Variants in NALF1 observed in about 807,000 individuals in gnomAD.
NALF1 encodes the protein family with sequence similarity 155 member A.
NALF1 carries 3 observed loss-of-function variants against 48.4 expected under a neutral mutation model. That is an observed-to-expected ratio of 0.06 (90% CI 0.03 to 0.16). NALF1 has a LOEUF of 0.16. Ranked by LOEUF, NALF1 falls within the 10% of genes least tolerant of loss-of-function variation. The probability of loss-of-function intolerance (pLI) is 1.00; values close to 1 mark genes in which losing one functional copy is unlikely to be tolerated. For missense variants in NALF1, 526 were observed against 571.5 expected (o/e 0.92, Z 0.81); for synonymous variants, 262 against 245.7 (o/e 1.07, Z -0.62).
intron 1 of NALF1, among the ~76,000 whole-genome samples, chr13:107,710,667 C>T (rs1256979247): frequency 8.7e-5 from 13 of 149,642 alleles, no homozygotes; most frequent in Admixed American, 8.6e-4. Flanking sequence ...ATGGGGGAAA[C>T]CACCTGCAGA....
intron 1 of NALF1, among the ~76,000 whole-genome samples, chr13:107,366,376 C>G (rs544243895): frequency 6.6e-6 from 1 of 152,286 alleles, no homozygotes; most frequent in Non-Finnish European, 1.5e-5. Context: ...CATTTTGCTT[C>G]CCCTTTTTAG....
At chr13:107,488,863 A>G (rs534656617) in intron 1 of NALF1, among the ~76,000 whole-genome samples, 19 of 152,294 alleles carry the variant, frequency 1.2e-4, no homozygotes, top group African/African-American at 4.6e-4. Context: ...AAAATTCTAT[A>G]TCTAGAAAAC....
intron 1 of NALF1, among the ~76,000 whole-genome samples, chr13:107,584,596 T>C (rs1026480877): frequency 2.0e-5 from 3 of 152,208 alleles, no homozygotes; most frequent in Non-Finnish European, 4.4e-5. Context: ...TCTCATCCCT[T>C]ATTACTGTAT....
At chr13:107,575,943 G>A (rs1362100637) in intron 1 of NALF1, among the ~76,000 whole-genome samples, 2 of 150,098 alleles carry the variant, frequency 1.3e-5, no homozygotes, top group Admixed American at 1.3e-4. Context: ...GCATGTGTGT[G>A]TATGTGTATG....
At chr13:107,490,483 T>C (rs190106894) in intron 1 of NALF1, among the ~76,000 whole-genome samples, 2 of 152,272 alleles carry the variant, frequency 1.3e-5, no homozygotes, top group East Asian at 1.9e-4. Context: ...ATACTGCATG[T>C]ACTCACTTAT....
At chr13:107,477,246 G>A (rs968795949) in intron 1 of NALF1, among the ~76,000 whole-genome samples, 1 of 152,106 alleles carries the variant, frequency 6.6e-6, no homozygotes, top group African/African-American at 2.4e-5. Flanking sequence ...GGAAGATAAA[G>A]CTGTAAGTCA....
At chr13:107,501,026 A>G (rs1219629152) in intron 1 of NALF1, among the ~76,000 whole-genome samples, 1 of 152,030 alleles carries the variant, frequency 6.6e-6, no homozygotes, top group East Asian at 1.9e-4. Flanking sequence ...TGGGTGCAGC[A>G]CACCAGCATG....
At chr13:107,189,000 C>T (rs914460176) in intron 2 of NALF1, among the ~76,000 whole-genome samples, 5 of 152,156 alleles carry the variant, frequency 3.3e-5, no homozygotes, top group African/African-American at 1.2e-4. Context: ...GCTAACTGCA[C>T]ATTAGATGGA....
intron 1 of NALF1, among the ~76,000 whole-genome samples, chr13:107,714,037 A>G (rs1247941414): frequency 1.3e-5 from 2 of 152,186 alleles, no homozygotes; most frequent in Non-Finnish European, 2.9e-5. Context: ...TTTAGCTTTC[A>G]CTGCCAGTGA....
At chr13:107,666,972 C>CTA (rs1387275564) in intron 1 of NALF1, among the ~76,000 whole-genome samples, 1 of 152,054 alleles carries the variant, frequency 6.6e-6, no homozygotes, top group Non-Finnish European at 1.5e-5. Flanking sequence ...TAGTGAAAAA[C>CTA]AATTTTGAAC....
At chr13:107,700,698 A>T (rs570292567) in intron 1 of NALF1, among the ~76,000 whole-genome samples, 1 of 152,222 alleles carries the variant, frequency 6.6e-6, no homozygotes, top group Admixed American at 6.5e-5. Context: ...AAATCAACCT[A>T]CAAACTGGGA....
At chr13:107,332,100 G>A (rs117515416) in intron 1 of NALF1, among the ~76,000 whole-genome samples, 1,904 of 152,224 alleles carry the variant, frequency 0.013, 16 homozygotes, top group Non-Finnish European at 0.02. Context: ...CTGATATTAG[G>A]TCTTTGCAAA....
chr13:107,616,221 T>A (rs1879375390), intron 1 of NALF1, among the ~76,000 whole-genome samples: 1 of 152,204 alleles, frequency 6.6e-6, no homozygotes, highest in African/African-American at 2.4e-5. Context: ...ATGTAAATGT[T>A]AAGATTAAAA....
At chr13:107,285,302 C>A (rs2138876757) in intron 1 of NALF1, among the ~76,000 whole-genome samples, 1 of 152,238 alleles carries the variant, frequency 6.6e-6, no homozygotes, top group East Asian at 1.9e-4. Flanking sequence ...GGGTGAATAA[C>A]CATGTGGTTA....
chr13:107,691,468 G>A (rs536576877), intron 1 of NALF1, among the ~76,000 whole-genome samples: 17 of 152,264 alleles, frequency 1.1e-4, no homozygotes, highest in African/African-American at 2.6e-4. Context: ...TGGCCCACAC[G>A]CCCTTTGCCT....
At chr13:107,347,228 GGC>G (rs1566491670) in intron 1 of NALF1, among the ~76,000 whole-genome samples, 2 of 152,150 alleles carry the variant, frequency 1.3e-5, no homozygotes, top group Non-Finnish European at 2.9e-5. Flanking sequence ...GGCTTTCTGA[GGC>G]ATTCTGCCCC....
intron 1 of NALF1, among the ~76,000 whole-genome samples, chr13:107,303,272 G>A (rs1266656455): frequency 6.6e-6 from 1 of 151,598 alleles, no homozygotes; most frequent in Non-Finnish European, 1.5e-5. Flanking sequence ...TATATATTGT[G>A]GATATTAAAT....
intron 1 of NALF1, among the ~76,000 whole-genome samples, chr13:107,636,882 A>G (rs1048430682): frequency 2.3e-5 from 3 of 132,596 alleles, no homozygotes; most frequent in Non-Finnish European, 3.4e-5. Context: ...GCTAATCTAT[A>G]TTATATATAT....
At chr13:107,253,294 A>G in intron 1 of NALF1, among the ~76,000 whole-genome samples, 1 of 152,096 alleles carries the variant, frequency 6.6e-6, no homozygotes, top group Non-Finnish European at 1.5e-5. Flanking sequence ...AAGTATGTCT[A>G]CAAAGTAACA....
Sources: allele counts gnomAD v4.1 joint callset (sites outside exome capture counted in the v4.1 genomes callset), GRCh38; gene constraint gnomAD v4.1.1; transcripts MANE v1.5; gene names NCBI Gene and HGNC (gene_info 2026-07-23, HGNC 2026-07-21).